The following DNM3 variants were observed in gnomAD, a reference collection of about 807,000 sequenced individuals.
DNM3 encodes dynamin 3.
Under a neutral mutation model 101.6 loss-of-function variants are expected in DNM3, and 47 were observed. The ratio of observed to expected loss-of-function variants is 0.46; its 90% CI spans 0.37 to 0.59. The LOEUF (loss-of-function observed/expected upper bound fraction) is 0.59. Ranked by LOEUF, DNM3 falls within the 20% of genes least tolerant of loss-of-function variation. DNM3 has a pLI of 0.00. For missense variants in DNM3, 849 were observed against 1,085.7 expected (o/e 0.78, Z 3.06); for synonymous variants, 385 against 387.9 (o/e 0.99, Z 0.09).
chr1:171,865,738 A>G (rs1308671882), intron 1 of DNM3, among the ~76,000 whole-genome samples: 1 of 152,186 alleles, frequency 6.6e-6, no homozygotes, highest in Non-Finnish European at 1.5e-5. Flanking sequence ...TTATTCATAC[A>G]TATTCCTCTA....
At chr1:172,045,439 A>G (rs188935553) in intron 9 of DNM3, among the ~76,000 whole-genome samples, 223 of 152,172 alleles carry the variant, frequency 1.5e-3, no homozygotes, top group Middle Eastern at 0.01. Flanking sequence ...AGAGAAAGCT[A>G]GTTAGCTCTC....
intron 14 of DNM3, among the ~76,000 whole-genome samples, chr1:172,226,786 A>G (rs1304573089): frequency 6.6e-6 from 1 of 152,162 alleles, no homozygotes; most frequent in African/African-American, 2.4e-5. Context: ...AGCGATAATG[A>G]TGCAAGTCAT....
chr1:172,103,776 G>A (rs910866365), intron 13 of DNM3, among the ~76,000 whole-genome samples: 1 of 152,196 alleles, frequency 6.6e-6, no homozygotes, highest in Non-Finnish European at 1.5e-5. Flanking sequence ...GCCAAGGAGG[G>A]TGGATCACGA....
chr1:172,000,121 A>G (rs887600100), intron 4 of DNM3, among the ~76,000 whole-genome samples: 8 of 152,116 alleles, frequency 5.3e-5, no homozygotes, highest in Non-Finnish European at 8.8e-5. Context: ...AGAAAAGAGA[A>G]GAGGGCCAGA....
At chr1:172,280,791 T>C (rs2063461012) in intron 15 of DNM3, among the ~76,000 whole-genome samples, 1 of 152,172 alleles carries the variant, frequency 6.6e-6, no homozygotes, top group Non-Finnish European at 1.5e-5. Flanking sequence ...AAATTAATAG[T>C]ATCCAGATTT....
At chr1:172,188,867 A>G (rs1338456080) in intron 14 of DNM3, among the ~76,000 whole-genome samples, 5 of 152,034 alleles carry the variant, frequency 3.3e-5, no homozygotes, top group Non-Finnish European at 5.9e-5. Context: ...TTTTAATTTA[A>G]GGAGGCCCAA....
chr1:172,253,466 C>A, intron 14 of DNM3, 107 bp from the exon 15 acceptor site: 1 of 793,376 alleles, frequency 1.3e-6, no homozygotes, highest in Non-Finnish European at 2.0e-6. Flanking sequence ...GCCTCAAGAT[C>A]TTTTATTAAA....
Position 172,388,743 on chromosome 1 carries a change from G to A in DNM3, c.2456G>A (p.Ser819Asn), listed in dbSNP as rs745866864. 6.8e-6 allele frequency: 11 copies of A among 1,612,304 alleles called. No individual in the cohort carries two copies. Among genetic ancestry groups the A allele is most frequent in the South Asian group, 3.3e-5 (3 of 90,692 alleles). Residue 819 changes from serine (S) to asparagine (N), a missense_variant, in exon 20 of 21, where the codon AGT becomes AAT. Physicochemically the swap from Ser to Asn is conservative, Grantham distance 46. Coordinates refer to ENST00000627582, the MANE Select transcript of DNM3 (RefSeq NM_015569.5). ...PGPLPPFPSSSDSFGAPPQVP... is the reference protein window; with the variant it reads ...PGPLPPFPSSNDSFGAPPQVP... ...CCATTACCTCCTTTCCCCAGCAGCA[G>A]TGACTCCTTCGGAGCCCCTCCACAA...
At chr1:172,326,061 A>G (rs1484774308) in intron 17 of DNM3, among the ~76,000 whole-genome samples, 1 of 152,170 alleles carries the variant, frequency 6.6e-6, no homozygotes, top group Non-Finnish European at 1.5e-5. Flanking sequence ...AAAGTTTGGG[A>G]GCTAATCCTC....
chr1:171,875,931 C>T (rs1455667964), intron 1 of DNM3, among the ~76,000 whole-genome samples: 1 of 147,698 alleles, frequency 6.8e-6, no homozygotes, highest in East Asian at 2.1e-4. Flanking sequence ...GTGCCTCAGC[C>T]TCCCAAGTAA....
intron 6 of DNM3, among the ~76,000 whole-genome samples, chr1:172,036,160 C>T (rs2048945444): frequency 8.9e-6 from 1 of 112,990 alleles, no homozygotes; most frequent in Non-Finnish European, 1.7e-5. Flanking sequence ...CCCCCCTCCC[C>T]CCACCCCACA....
chr1:171,988,899 T>C, intron 3 of DNM3, 46 bp from the exon 4 acceptor site: 2 of 1,484,050 alleles, frequency 1.3e-6, no homozygotes, highest in Non-Finnish European at 1.8e-6. Context: ...TTGTTATCTT[T>C]TAGCATTGAA....
intron 20 of DNM3, 139 bp downstream of exon 20, chr1:172,388,948 A>G (rs1385712873): frequency 2.1e-5 from 16 of 756,914 alleles, no homozygotes; most frequent in Non-Finnish European, 3.2e-5. Flanking sequence ...AACAGAGACT[A>G]TAGGAAAATT....
chr1:172,380,929 G>C (rs1224151848), intron 18 of DNM3: 1 of 148,998 alleles, frequency 6.7e-6, no homozygotes, highest in African/African-American at 2.5e-5. Flanking sequence ...ACAGGAAATA[G>C]CACTTCCTGC....
At chr1:172,093,979 A>C (rs1212878829) in intron 13 of DNM3, among the ~76,000 whole-genome samples, 2 of 152,204 alleles carry the variant, frequency 1.3e-5, no homozygotes, top group African/African-American at 4.8e-5. Flanking sequence ...TAAACCCTTA[A>C]CACTGTGGGT....
chr1:172,191,592 T>C (rs2148440232), intron 14 of DNM3, among the ~76,000 whole-genome samples: 1 of 152,288 alleles, frequency 6.6e-6, no homozygotes, highest in South Asian at 2.1e-4. Flanking sequence ...ATTGAATCTA[T>C]AAATTACCTT....
At chr1:171,925,831 A>T (rs947893298) in intron 2 of DNM3, among the ~76,000 whole-genome samples, 53 of 152,136 alleles carry the variant, frequency 3.5e-4, no homozygotes, top group African/African-American at 1.3e-3. Context: ...GAATTTTTAT[A>T]GTTTGAGGAC....
chr1:172,280,581 A>G (rs982863428), intron 15 of DNM3, among the ~76,000 whole-genome samples: 4 of 152,178 alleles, frequency 2.6e-5, no homozygotes, highest in African/African-American at 9.7e-5. Flanking sequence ...TGATAACTAC[A>G]TGTTTTGTGA....
chr1:172,157,893 A>T (rs1478370777), intron 14 of DNM3, among the ~76,000 whole-genome samples: 1 of 152,046 alleles, frequency 6.6e-6, no homozygotes, highest in African/African-American at 2.4e-5. Context: ...AACTGTAGTT[A>T]ACATTCAGTA....
Sources: allele counts gnomAD v4.1 joint callset (sites outside exome capture counted in the v4.1 genomes callset), GRCh38; gene constraint gnomAD v4.1.1; transcripts MANE v1.5; gene names NCBI Gene and HGNC (gene_info 2026-07-23, HGNC 2026-07-21).